Variants in USP32 observed in about 807,000 individuals in gnomAD.
The protein encoded by USP32 is ubiquitin carboxyl-terminal hydrolase 32.
A neutral mutation model predicts 204.8 loss-of-function variants in USP32; 59 were observed. That is an observed-to-expected ratio of 0.29 (90% CI 0.23 to 0.36). The LOEUF (loss-of-function observed/expected upper bound fraction) is 0.36, where lower values mean the gene tolerates loss of function less well. Ranked by LOEUF, USP32 falls within the 10% of genes least tolerant of loss-of-function variation. The pLI is 1.00. For synonymous variants in USP32, 517 were observed against 678.4 expected (o/e 0.76, Z 3.70); for missense variants, 1,160 against 1,946.4 (o/e 0.60, Z 7.60).
At chr17:60,246,768 G>T (rs965559659) in intron 11 of USP32, among the ~76,000 whole-genome samples, 3 of 151,978 alleles carry the variant, frequency 2.0e-5, no homozygotes, top group African/African-American at 7.2e-5. Flanking sequence ...TTGTGGTTTT[G>T]ATATTTCGAT....
intron 1 of USP32, among the ~76,000 whole-genome samples, chr17:60,352,687 A>G (rs1329223165): frequency 1.3e-5 from 2 of 152,208 alleles, no homozygotes; most frequent in African/African-American, 2.4e-5. Flanking sequence ...GTCAGAATGG[A>G]GGTATAAAGA....
At chr17:60,252,472 A>G (rs746174431) in intron 10 of USP32, 30 bp from the exon 11 acceptor site, 1 of 1,546,882 alleles carries the variant, frequency 6.5e-7, no homozygotes, top group Non-Finnish European at 8.9e-7. Flanking sequence ...ATCAAAGTTT[A>G]TTAACTGCAT....
chr17:60,296,327 G>A (rs1258034326), intron 3 of USP32, among the ~76,000 whole-genome samples: 1 of 152,098 alleles, frequency 6.6e-6, no homozygotes, highest in African/African-American at 2.4e-5. Flanking sequence ...GTTAAGATGA[G>A]GTCATTAGGG....
intron 9 of USP32, among the ~76,000 whole-genome samples, chr17:60,261,113 T>C (rs2086441449): frequency 1.3e-5 from 2 of 152,128 alleles, no homozygotes; most frequent in African/African-American, 4.8e-5. Flanking sequence ...AGAAGCTATG[T>C]TGAACATAGG....
intron 7 of USP32, among the ~76,000 whole-genome samples, chr17:60,268,686 T>C (rs1310964441): frequency 6.7e-6 from 1 of 149,402 alleles, no homozygotes; most frequent in African/African-American, 2.5e-5. Context: ...CAACAGGGAA[T>C]AAAAATAGAG....
intron 13 of USP32, 116 bp from the exon 14 acceptor site, chr17:60,223,702 A>G (rs1459184240): frequency 2.1e-5 from 17 of 815,840 alleles, no homozygotes; most frequent in Middle Eastern, 3.7e-4. Context: ...GTCAGTACAG[A>G]TTAAGATTCT....
At chr17:60,392,767 A>G, upstream of USP32, 1 of 312,794 alleles carries the variant, frequency 3.2e-6, no homozygotes, top group Non-Finnish European at 6.5e-6. Flanking sequence ...ATCCCTGAGG[A>G]AAGTGGACCT....
intron 6 of USP32, among the ~76,000 whole-genome samples, chr17:60,270,455 G>A (rs1345517058): frequency 6.6e-6 from 1 of 152,154 alleles, no homozygotes; most frequent in Non-Finnish European, 1.5e-5. Flanking sequence ...GCTGGAAGCA[G>A]AACCCAAGTA....
chr17:60,190,784 C>T, intron 28 of USP32, 101 bp from the exon 29 acceptor site: 1 of 1,491,676 alleles, frequency 6.7e-7, no homozygotes, highest in Non-Finnish European at 8.9e-7. Flanking sequence ...CTGCTTTCCT[C>T]TTGGGCCTCA....
chr17:60,311,312 A>G (rs1382152615), intron 2 of USP32, among the ~76,000 whole-genome samples: 1 of 152,218 alleles, frequency 6.6e-6, no homozygotes, highest in Non-Finnish European at 1.5e-5. Context: ...TTTTGTAGCC[A>G]TGACTATCCA....
chr17:60,215,564 G>A (rs946386665), intron 16 of USP32, among the ~76,000 whole-genome samples: 1 of 151,476 alleles, frequency 6.6e-6, no homozygotes, highest in Non-Finnish European at 1.5e-5. Flanking sequence ...GGATTCACCT[G>A]GTCCACTTTC....
intron 5 of USP32, among the ~76,000 whole-genome samples, chr17:60,275,885 G>T (rs1479404851): frequency 1.4e-5 from 2 of 144,992 alleles, no homozygotes; most frequent in Non-Finnish European, 3.0e-5. Context: ...CTAATTTTTT[G>T]TATTTTTAGT....
chr17:60,415,927 C>T (rs1053593970), intron 1 of USP32, among the ~76,000 whole-genome samples: 34 of 152,002 alleles, frequency 2.2e-4, no homozygotes, highest in African/African-American at 7.5e-4. Context: ...GCAACCTCTG[C>T]CTCCCAGGTT....
At chr17:60,271,256 G>A (rs1370435908) in intron 6 of USP32, 94 bp downstream of exon 6, 1 of 1,467,522 alleles carries the variant, frequency 6.8e-7, no homozygotes, top group Non-Finnish European at 9.2e-7. Flanking sequence ...ATGAGAAGAT[G>A]GTTTCTTAGA....
In USP32 at chr17:60,185,390, T is replaced by C. The variant is rs529267472; in HGVS notation, c.3834+70A>G. On this transcript the variant is annotated intron_variant, in intron 30 of 33. Coordinates refer to ENST00000300896, the MANE Select transcript of USP32 (RefSeq NM_032582.4). ...TCTTATTCTCAAAAATAACAAAACCTCCTGTTTGTTCATGTCTTCTTTCTT... is the reference window on the plus strand; with the variant it reads ...TCTTATTCTCAAAAATAACAAAACCCCCTGTTTGTTCATGTCTTCTTTCTT... The C allele has an allele frequency of 7.6e-5, 112 of 1,473,368 alleles. No homozygotes were observed. In the African/African-American group the frequency reaches 1.3e-3, roughly 18 times the overall value. 91.3% of individuals were successfully genotyped at this position (1,473,368 alleles called of 1,614,324 possible).
intron 2 of USP32, among the ~76,000 whole-genome samples, chr17:60,302,735 C>T (rs72843533): frequency 0.035 from 5,375 of 152,166 alleles, 113 homozygotes; most frequent in Non-Finnish European, 0.053. Flanking sequence ...GGAAAACTTA[C>T]GCACATTACT....
intron 2 of USP32, among the ~76,000 whole-genome samples, chr17:60,325,972 C>CAA (rs374347100): frequency 3.1e-4 from 18 of 58,078 alleles, no homozygotes; most frequent in East Asian, 5.4e-4. Context: ...GACTCTGTCT[C>CAA]AAAAAAAAAA....
chr17:60,388,463 G>A (rs796276162), intron 1 of USP32, among the ~76,000 whole-genome samples: 4 of 152,202 alleles, frequency 2.6e-5, no homozygotes, highest in African/African-American at 9.6e-5. Flanking sequence ...ATCTTTCACC[G>A]AACGGTTTTT....
At chr17:60,248,063 A>T (rs1356536115) in intron 11 of USP32, among the ~76,000 whole-genome samples, 1 of 152,196 alleles carries the variant, frequency 6.6e-6, no homozygotes, top group African/African-American at 2.4e-5. Flanking sequence ...TGTTTTGGTT[A>T]CTATAGCTTT....
Sources: allele counts gnomAD v4.1 joint callset (sites outside exome capture counted in the v4.1 genomes callset), GRCh38; gene constraint gnomAD v4.1.1; transcripts MANE v1.5; gene names NCBI Gene and HGNC (gene_info 2026-07-23, HGNC 2026-07-21).